Variants in CYTH4 observed in about 807,000 individuals in gnomAD.
The protein encoded by CYTH4 is cytohesin-4.
Under a neutral mutation model 57.5 loss-of-function variants are expected in CYTH4, and 22 were observed. That is an observed-to-expected ratio of 0.38 (90% confidence interval 0.27 to 0.55). CYTH4 has a LOEUF of 0.55. Among genes scored for constraint, CYTH4 ranks in the 20% least tolerant of loss-of-function variants. The probability of loss-of-function intolerance (pLI) is 0.74; values close to 1 mark genes in which losing one functional copy is unlikely to be tolerated. For synonymous variants in CYTH4, 186 were observed against 206.5 expected (o/e 0.90, Z 0.85); for missense variants, 420 against 535.6 (o/e 0.78, Z 2.13).
In CYTH4 at chr22:37,314,199, G is replaced by A. The variant is rs1004329383; in HGVS notation, c.*688G>A. 1.8e-5 allele frequency: 7 copies of A among 396,562 alleles called. No homozygotes were observed. The highest frequency in any genetic ancestry group is 3.6e-5 in the East Asian group (1 of 27,994). 24.6% of individuals were successfully genotyped at this position (396,562 alleles called of 1,614,324 possible). A position where few individuals can be genotyped will look rare whatever the true frequency, so the allele number is the denominator to read the frequency against. On this transcript the variant is annotated 3_prime_UTR_variant, in exon 13 of 13. Transcript: ENST00000248901. ...AAACTGCAGTGTTTGGACTAGAAACGTATTGGCCCCTGCTAGCCCTGTGCT... is the reference window on the plus strand; with the variant it reads ...AAACTGCAGTGTTTGGACTAGAAACATATTGGCCCCTGCTAGCCCTGTGCT...
At position 37,311,014 on chromosome 22, in the gene CYTH4, C is replaced by T. The variant is rs976127260; in HGVS notation, c.835C>T (p.Arg279Cys). 10 of 1,614,074 alleles carry T rather than the reference C, an allele frequency of 6.2e-6. No individual in the cohort carries two copies. In the Admixed American group the frequency reaches 1.2e-4, roughly 19 times the overall value. ...GGGCCGCGTGAAGACGTGGAAACGG[C>T]GCTGGTTCATCCTGACCGACAACTG... is the stretch of plus-strand genomic sequence containing the variant. ...LGGRVKTWKR[R>C]WFILTDNCLY... The change falls in exon 10 of 13, where the codon CGC becomes TGC. Residue 279 changes from arginine (R) to cysteine (C), a missense_variant. By Grantham distance (180) the Arg-to-Cys change is radical. Coordinates refer to ENST00000248901, the MANE Select transcript of CYTH4 (RefSeq NM_013385.5). The surrounding 1 kb of genome is among the most constrained non-coding windows in gnomAD (Gnocchi z 4.4).
chr22:37,304,291 G>A (rs1001778894), intron 8 of CYTH4: 6 of 456,492 alleles, frequency 1.3e-5, no homozygotes, highest in African/African-American at 1.2e-4. Context: ...GCCGAGGTGT[G>A]GTATATATGC....
At position 37,314,548 on chromosome 22, in the gene CYTH4, T is replaced by C; in HGVS notation, c.*1037T>C. ...AGAGAGAGAGTCTTGGCCATGGCTT[T>C]CCTGCAAGACCACTGACGAGCAGTC... On this transcript the variant is annotated 3_prime_UTR_variant, in exon 13 of 13. Transcript: ENST00000248901. 2.5e-6 allele frequency: 1 copy of C among 397,300 alleles called. No homozygotes were observed. The allele number at this position is 397,300 out of a possible 1,614,324, so 24.6% of individuals were successfully genotyped here. A position where few individuals can be genotyped will look rare whatever the true frequency, so the allele number is the denominator to read the frequency against.
intron 1 of CYTH4, among the ~76,000 whole-genome samples, chr22:37,284,755 C>T (rs969525232): frequency 6.6e-6 from 1 of 152,146 alleles, no homozygotes; most frequent in African/African-American, 2.4e-5. Context: ...CTCAGGGGCC[C>T]CCAGGGCTGC....
At chr22:37,301,170 C>T (rs1457642673) in intron 7 of CYTH4, 151 bp downstream of exon 7, 14 of 644,028 alleles carry the variant, frequency 2.2e-5, no homozygotes, top group Non-Finnish European at 3.5e-5. Context: ...GACTTCATTG[C>T]TGCTGGGTGC....
At chr22:37,310,862 T>C (rs1353633889) in intron 9 of CYTH4, 126 bp from the exon 10 acceptor site, 1 of 890,054 alleles carries the variant, frequency 1.1e-6, no homozygotes, top group Admixed American at 2.0e-5. Context: ...GGAGGTGTGG[T>C]GGACGAAGTT....
rs371738429 is a variant in CYTH4 at position 37,311,553 on chromosome 22, G to C, written c.957+26G>C. 12 of 1,610,504 alleles carry C rather than the reference G, an allele frequency of 7.5e-6. No individual in the cohort carries two copies. Among genetic ancestry groups the C allele is most frequent in the African/African-American group, 6.7e-5 (5 of 74,970 alleles). On this transcript the variant is annotated intron_variant, in intron 11 of 12. Coordinates refer to ENST00000248901, the MANE Select transcript of CYTH4 (RefSeq NM_013385.5). This position sits in a 1 kb window ranked among gnomAD's most constrained non-coding sequence, Gnocchi z 4.4. ...GTAGGTGTTCAGGTTGCAGGATCCC[G>C]AGGCTGGAGCCACTGGGAAATTTCC... is the stretch of plus-strand genomic sequence containing the variant.
At chr22:37,290,769 A>G (rs1352188255) in intron 1 of CYTH4, among the ~76,000 whole-genome samples, 1 of 152,122 alleles carries the variant, frequency 6.6e-6, no homozygotes, top group Non-Finnish European at 1.5e-5. Context: ...CGGCCTCCCA[A>G]AGTGCTGGGA....
chr22:37,292,841 C>CCAGGAG, intron 2 of CYTH4, 138 bp downstream of exon 2: 1 of 760,648 alleles, frequency 1.3e-6, no homozygotes. Flanking sequence ...GGCCCCAGCC[C>CCAGGAG]CAGGAGCAGG....
chr22:37,311,132 C>T lies in CYTH4; in HGVS notation c.885+68C>T. Reference sequence around the variant, plus strand: ...CCCGCACAACCCACTTCCCAACTCCCACTGAGCAGTCGACTCACACAGCTT... The same window carrying T: ...CCCGCACAACCCACTTCCCAACTCCTACTGAGCAGTCGACTCACACAGCTT... On this transcript the variant is annotated intron_variant, in intron 10 of 12. Coordinates refer to ENST00000248901, the MANE Select transcript of CYTH4 (RefSeq NM_013385.5). This position sits in a 1 kb window ranked among gnomAD's most constrained non-coding sequence, Gnocchi z 4.4. The T allele has an allele frequency of 6.5e-7, 1 of 1,531,676 alleles. No individual in the cohort carries two copies. 94.9% of individuals were successfully genotyped at this position (1,531,676 alleles called of 1,614,324 possible). A position where few individuals can be genotyped will look rare whatever the true frequency, so the allele number is the denominator to read the frequency against.
In CYTH4 at chr22:37,298,408, A is replaced by G; in HGVS notation, c.353+726A>G. 6.1e-6 allele frequency: 1 copy of G among 163,052 alleles called. No homozygotes were observed. Among genetic ancestry groups the G allele is most frequent in the Non-Finnish European group, 1.3e-5 (1 of 75,096 alleles). 10.1% of individuals were successfully genotyped at this position (163,052 alleles called of 1,614,324 possible). ...AGAAAAGAAAAGAAAACAAAGAAAGAAAGACATGCTGGGGACCATAGGTTG... is the reference window on the plus strand; with the variant it reads ...AGAAAAGAAAAGAAAACAAAGAAAGGAAGACATGCTGGGGACCATAGGTTG... On this transcript the variant is annotated intron_variant, in intron 5 of 12. Coordinates refer to ENST00000248901, the MANE Select transcript of CYTH4 (RefSeq NM_013385.5). The surrounding 1 kb of genome is among the most constrained non-coding windows in gnomAD (Gnocchi z 4.1).
chr22:37,309,364 T>G, intron 9 of CYTH4, 41 bp downstream of exon 9: 1 of 1,567,764 alleles, frequency 6.4e-7, no homozygotes, highest in Non-Finnish European at 8.8e-7. Flanking sequence ...CACACACTCA[T>G]GCACGCGCGG....
At position 37,309,145 on chromosome 22, in the gene CYTH4, G is replaced by T. The variant is rs1027863954; in HGVS notation, c.697-67G>T. 22 of 1,431,846 alleles carry T rather than the reference G, an allele frequency of 1.5e-5. No individual in the cohort carries two copies. In the Middle Eastern group the frequency reaches 1.9e-3, roughly 126 times the overall value. 88.7% of individuals were successfully genotyped at this position (1,431,846 alleles called of 1,614,324 possible). ...ACCTGCTCAAGGCCACACAGGCCAGGCCAGGCCTAGGCCTTGGACTCGGGT... is the reference window on the plus strand; with the variant it reads ...ACCTGCTCAAGGCCACACAGGCCAGTCCAGGCCTAGGCCTTGGACTCGGGT... On this transcript the variant is annotated intron_variant, in intron 8 of 12. Coordinates refer to ENST00000248901, the MANE Select transcript of CYTH4 (RefSeq NM_013385.5).
In CYTH4 at chr22:37,314,400, C is replaced by A; in HGVS notation, c.*889C>A. 2.5e-6 allele frequency: 1 copy of A among 398,716 alleles called. No homozygotes were observed. The allele number at this position is 398,716 out of a possible 1,614,324, so 24.7% of individuals were successfully genotyped here. On this transcript the variant is annotated 3_prime_UTR_variant, in exon 13 of 13. Transcript: ENST00000248901. ...CGGAGAACATCCCAGACAGATGGGA[C>A]TCAAGCAGGATGGGTGCTATATCCA...
At position 37,284,560 on chromosome 22, in the gene CYTH4, CT is replaced by C. The variant is rs368469379; in HGVS notation, c.19+1973del. ...CTTCTTCATGGCACGGTGACTTCCC[CT>C]CTCTGAGTTCTGATTTGTCATCTCT... On this transcript the variant is annotated intron_variant, in intron 1 of 12. Transcript: ENST00000248901. 1.4e-3 allele frequency among the ~76,000 whole-genome samples: 219 copies of C among 152,306 alleles called. 2 individuals carry two copies. The highest frequency in any genetic ancestry group is 5.2e-3 in the African/African-American group (215 of 41,564).
At position 37,295,041 on chromosome 22, in the gene CYTH4, A is replaced by T. The variant is rs12483885; in HGVS notation, c.167+317A>T. Among the ~76,000 whole-genome samples, 1,801 of 152,142 alleles carry T rather than the reference A, an allele frequency of 0.012. 92 individuals carry two copies. The highest frequency in any genetic ancestry group is 0.095 in the East Asian group (491 of 5,144). On this transcript the variant is annotated intron_variant, in intron 3 of 12. Coordinates refer to ENST00000248901, the MANE Select transcript of CYTH4 (RefSeq NM_013385.5). This position sits in a 1 kb window ranked among gnomAD's most constrained non-coding sequence, Gnocchi z 4.1. ...ATCCACCCTGGGATGGGCGGGGAGA[A>T]GGGAAGCTCAGCCCCAAGGGCAAGG...
Position 37,295,352 on chromosome 22 carries a change from C to T in CYTH4, c.167+628C>T, listed in dbSNP as rs911235654. 1.3e-5 allele frequency among the ~76,000 whole-genome samples: 2 copies of T among 150,452 alleles called. No homozygotes were observed. Among genetic ancestry groups the T allele is most frequent in the Admixed American group, 1.3e-4 (2 of 15,120 alleles). Reference sequence around the variant, plus strand: ...CTCCTTAGGTCTCCACCTGTCCAGCCTCCTCCCCTCCCCCACCACACACAT... The same window carrying T: ...CTCCTTAGGTCTCCACCTGTCCAGCTTCCTCCCCTCCCCCACCACACACAT... On this transcript the variant is annotated intron_variant, in intron 3 of 12. Transcript: ENST00000248901. This position sits in a 1 kb window ranked among gnomAD's most constrained non-coding sequence, Gnocchi z 4.1.
At position 37,296,015 on chromosome 22, in the gene CYTH4, G is replaced by A; in HGVS notation, c.184G>A (p.Glu62Lys). 3 of 1,613,296 alleles carry A rather than the reference G, an allele frequency of 1.9e-6. No homozygotes were observed. The highest frequency in any genetic ancestry group is 2.5e-6 in the Non-Finnish European group (3 of 1,179,602). The change falls in exon 4 of 13, where the codon GAG (glutamate) becomes AAG (lysine). Residue 62 changes from glutamate to lysine, a missense_variant. Physicochemically the swap from Glu to Lys is moderately conservative, Grantham distance 56 (BLOSUM62 1). Transcript: ENST00000248901. ...SAEESRMAQK[E>K]KELCIGRKKF... ...TGTCCACAGCCGGATGGCCCAGAAG[G>A]AGAAGGAGCTGTGTATTGGGCGCAA... is the stretch of plus-strand genomic sequence containing the variant.
At position 37,313,775 on chromosome 22, in the gene CYTH4, T is replaced by C; in HGVS notation, c.*264T>C. ...GCCCTACGTGCACTACAGGAAGGGG[T>C]GAGGAGAGCAGCCAGAGGAAAACCA... is the stretch of plus-strand genomic sequence containing the variant. On this transcript the variant is annotated 3_prime_UTR_variant, in exon 13 of 13. Coordinates refer to ENST00000248901, the MANE Select transcript of CYTH4 (RefSeq NM_013385.5). 1 of 485,456 alleles carries C rather than the reference T, an allele frequency of 2.1e-6. No individual in the cohort carries two copies. The allele number at this position is 485,456 out of a possible 1,614,324, so 30.1% of individuals were successfully genotyped here.
Sources: allele counts gnomAD v4.1 joint callset (sites outside exome capture counted in the v4.1 genomes callset), GRCh38; gene constraint gnomAD v4.1.1; non-coding constraint Gnocchi (gnomAD v3.1); transcripts MANE v1.5; gene names NCBI Gene and HGNC (gene_info 2026-07-23, HGNC 2026-07-21).